TRIM4: variants seen among roughly 807,000 people sequenced by gnomAD.
TRIM4 encodes the protein E3 ubiquitin-protein ligase TRIM4.
Under a neutral mutation model 33.7 loss-of-function variants are expected in TRIM4, and 29 were observed. The ratio of observed to expected loss-of-function variants is 0.86; its 90% CI spans 0.64 to 1.17. The LOEUF (loss-of-function observed/expected upper bound fraction) is 1.17. Among genes scored for constraint, TRIM4 ranks in the 50% most tolerant of loss-of-function variants. TRIM4 has a pLI of 0.00. For missense variants in TRIM4, 554 were observed against 593.7 expected, an observed-to-expected ratio of 0.93 and a Z score of 0.69; for synonymous variants, 224 against 233.0, an observed-to-expected ratio of 0.96 and a Z score of 0.35.
chr7:99,919,123 C>A lies in TRIM4; in HGVS notation c.279G>T (p.Pro93=). Residue 93 remains proline (P), a synonymous_variant, in exon 1 of 6, where the codon CCG becomes CCT. Coordinates refer to ENST00000349062, the MANE Select transcript of TRIM4 (RefSeq NM_033091.3). ...GGTCGTCCTCGCAGAAGAGCCGCAGCGGCTCCCAGTGGCGGCCGCACAGGC... is the reference window on the plus strand; with the variant it reads ...GGTCGTCCTCGCAGAAGAGCCGCAGAGGCTCCCAGTGGCGGCCGCACAGGC... ...PPGLCGRHWE[P]LRLFCEDDQR... 6.6e-7 allele frequency: 1 copy of A among 1,517,794 alleles called. No homozygotes were observed. The highest frequency in any genetic ancestry group is 8.8e-7 in the Non-Finnish European group (1 of 1,132,280). The allele number at this position is 1,517,794 out of a possible 1,614,324, so 94.0% of individuals were successfully genotyped here.
At chr7:99,907,003 T>A (rs1317623212) in intron 3 of TRIM4, among the ~76,000 whole-genome samples, 1 of 152,048 alleles carries the variant, frequency 6.6e-6, no homozygotes, top group Non-Finnish European at 1.5e-5. Flanking sequence ...ACATTAGAAG[T>A]GGGTCATGGG....
rs189475434 is a variant in TRIM4 at position 99,900,080 on chromosome 7, C to G, written c.841+3138G>C. On this transcript the variant is annotated intron_variant, in intron 5 of 5. Transcript: ENST00000349062. ...GGATTACAGATGTGAGCCACCACAC[C>G]CAGCCAGTGTATAAGATTTAATATA... is the stretch of plus-strand genomic sequence containing the variant. 1.7e-3 allele frequency among the ~76,000 whole-genome samples: 253 copies of G among 152,290 alleles called. 1 individual carries two copies. The highest frequency in any genetic ancestry group is 5.8e-3 in the African/African-American group (243 of 41,558).
chr7:99,919,350 A>G lies in TRIM4; in HGVS notation c.52T>C (p.Tyr18His), dbSNP rs778966370. 6.3e-7 allele frequency: 1 copy of G among 1,577,936 alleles called. No individual in the cohort carries two copies. Among genetic ancestry groups the G allele is most frequent in the African/African-American group, 1.4e-5 (1 of 72,196 alleles). Reference protein sequence around the residue: ...EELTCPICLDYFQDPVSIECG... With the variant: ...EELTCPICLDHFQDPVSIECG... ...TCGATGGACACCGGGTCCTGGAAAT[A>G]GTCCAGGCAGATGGGGCAGGTCAAC... The change falls in exon 1 of 6, where the codon TAT (tyrosine) becomes CAT (histidine). Residue 18 changes from tyrosine (Y) to histidine (H), a missense_variant. Tyr to His is a moderately conservative substitution (Grantham distance 83). Coordinates refer to ENST00000349062, the MANE Select transcript of TRIM4 (RefSeq NM_033091.3).
At chr7:99,903,676 T>C (rs1819229229) in intron 3 of TRIM4, 78 bp from the exon 4 acceptor site, 11 of 1,545,834 alleles carry the variant, frequency 7.1e-6, no homozygotes, top group Non-Finnish European at 9.8e-6. Context: ...GAGCAGGTAT[T>C]TTCTGACGGT....
chr7:99,916,109 A>C (rs1819549847), intron 1 of TRIM4, among the ~76,000 whole-genome samples: 2 of 152,206 alleles, frequency 1.3e-5, no homozygotes, highest in Non-Finnish European at 2.9e-5. Flanking sequence ...GTAATGAACA[A>C]CTGATAGCTA....
At position 99,892,429 on chromosome 7, in the gene TRIM4, C is replaced by A. The variant is rs78599870; in HGVS notation, c.1159G>T (p.Asp387Tyr). The A allele has an allele frequency of 8.7e-6, 14 of 1,614,046 alleles. No homozygotes were observed. In the East Asian group the frequency reaches 2.9e-4, roughly 33 times the overall value. Residue 387 changes from aspartate (D) to tyrosine (Y), a missense_variant, in exon 6 of 6, where the codon GAT (aspartate) becomes TAT (tyrosine). Transcript: ENST00000349062. ...GITDRSKMSP[D>Y]VGIWAIYWSA... ...CAATAAATCGCCCAGATGCCCACATCTGGGGACATTTTTGAACGATCAGTA... is the reference window on the plus strand; with the variant it reads ...CAATAAATCGCCCAGATGCCCACATATGGGGACATTTTTGAACGATCAGTA...
intron 1 of TRIM4, chr7:99,916,699 T>C (rs745466857): frequency 3.8e-6 from 3 of 781,028 alleles, no homozygotes; most frequent in South Asian, 1.3e-5. Context: ...AGGTCTTTAT[T>C]ACCTCCTGCT....
Position 99,908,795 on chromosome 7 carries a change from C to G in TRIM4, c.507G>C (p.Gln169His). Residue 169 changes from glutamine (Q) to histidine (H), a missense_variant, in exon 3 of 6, where the codon CAG (glutamine) becomes CAC (histidine). Transcript: ENST00000349062. Reference protein sequence around the residue: ...ATQWKDKIKSQRMRISTEFSK... With the variant: ...ATQWKDKIKSHRMRISTEFSK... ...AAAACTCCGTGCTGATTCTCATTCG[C>G]TGACTCTTTATCTTATCCTAAGGCC... is the stretch of plus-strand genomic sequence containing the variant. 2 of 1,614,042 alleles carry G rather than the reference C, an allele frequency of 1.2e-6. No homozygotes were observed. The highest frequency in any genetic ancestry group is 1.7e-6 in the Non-Finnish European group (2 of 1,180,006).
chr7:99,896,166 A>G (rs541979917), intron 5 of TRIM4, among the ~76,000 whole-genome samples: 1 of 151,606 alleles, frequency 6.6e-6, no homozygotes, highest in South Asian at 2.1e-4. Flanking sequence ...CATCTCTTTT[A>G]TTTTAGTGGT....
At position 99,913,628 on chromosome 7, in the gene TRIM4, G is replaced by A. The variant is rs182577615; in HGVS notation, c.394-3968C>T. Among the ~76,000 whole-genome samples the A allele has an allele frequency of 6.1e-4, 92 of 152,006 alleles. 2 individuals carry two copies. The East Asian group carries it at 0.015, about 25-fold the overall frequency. ...GGAGGTTGCAGTGAGCTGGGATCGC[G>A]CCACTGCACTCCAGCCTGGGCAACA... On this transcript the variant is annotated intron_variant, in intron 1 of 5. Coordinates refer to ENST00000349062, the MANE Select transcript of TRIM4 (RefSeq NM_033091.3).
intron 5 of TRIM4, among the ~76,000 whole-genome samples, chr7:99,897,148 G>A (rs1184602982): frequency 6.6e-6 from 1 of 152,182 alleles, no homozygotes; most frequent in African/African-American, 2.4e-5. Context: ...ACCCCGTGAA[G>A]AGATCTAGTG....
chr7:99,892,486 C>T lies in TRIM4; in HGVS notation c.1102G>A (p.Val368Ile). The T allele has an allele frequency of 6.2e-7, 1 of 1,614,200 alleles. No homozygotes were observed. The stretch of plus-strand genomic sequence containing the variant: ...ATGACGTCCTCCCGACACACCCCAA[C>T]AGCAACCTCCAGACTATCTCTACTC... ...VESRDSLEVA[V>I]GVCREDVMGI... The change falls in exon 6 of 6, where the codon GTT becomes ATT. Residue 368 changes from valine (V) to isoleucine (I), a missense_variant. Physicochemically the swap from Val to Ile is conservative, Grantham distance 29 (BLOSUM62 3). This residue lies in a region of TRIM4 where 290 missense variants were observed against 335.8 expected (regional missense o/e 0.86). Coordinates refer to ENST00000349062, the MANE Select transcript of TRIM4 (RefSeq NM_033091.3).
At chr7:99,909,360 G>A (rs541316978) in intron 2 of TRIM4, among the ~76,000 whole-genome samples, 2 of 152,142 alleles carry the variant, frequency 1.3e-5, no homozygotes, top group East Asian at 1.9e-4. Flanking sequence ...TCCTATCCCC[G>A]TATCTACAAG....
intron 5 of TRIM4, among the ~76,000 whole-genome samples, chr7:99,900,852 G>A (rs1220142044): frequency 2.6e-5 from 4 of 152,030 alleles, no homozygotes; most frequent in Admixed American, 2.0e-4. Context: ...CTCTCCCCTG[G>A]TTGCATTTAA....
chr7:99,902,221 A>G, intron 5 of TRIM4: 1 of 752,438 alleles, frequency 1.3e-6, no homozygotes, highest in Non-Finnish European at 2.4e-6. Flanking sequence ...TTTGGCTAGA[A>G]GTGAACACCC....
chr7:99,909,511 C>A, intron 2 of TRIM4, 54 bp downstream of exon 2: 3 of 1,528,514 alleles, frequency 2.0e-6, no homozygotes, highest in Admixed American at 1.7e-5. Flanking sequence ...CAAGAAATGT[C>A]CCAGACCAAA....
At chr7:99,900,164 C>T (rs955292215) in intron 5 of TRIM4, among the ~76,000 whole-genome samples, 19 of 152,196 alleles carry the variant, frequency 1.2e-4, no homozygotes, top group African/African-American at 4.1e-4. Context: ...TGTGAGTTGG[C>T]AGGCTCAAGA....
chr7:99,905,627 C>T (rs949448789), intron 3 of TRIM4, among the ~76,000 whole-genome samples: 8 of 152,172 alleles, frequency 5.3e-5, no homozygotes, highest in African/African-American at 1.7e-4. Flanking sequence ...GCATCCTACA[C>T]ACAAGAGATG....
At chr7:99,910,091 T>C (rs1563087743) in intron 1 of TRIM4, among the ~76,000 whole-genome samples, 1 of 152,138 alleles carries the variant, frequency 6.6e-6, no homozygotes, top group Non-Finnish European at 1.5e-5. Context: ...ATTGAAAAAA[T>C]GCTGAAGACG....
Sources: allele counts gnomAD v4.1 joint callset (sites outside exome capture counted in the v4.1 genomes callset), GRCh38; gene constraint gnomAD v4.1.1; regional missense constraint gnomAD v4.1.1; transcripts MANE v1.5; gene names NCBI Gene and HGNC (gene_info 2026-07-23, HGNC 2026-07-21).